The following EML4 variants were observed in gnomAD, a reference collection of about 807,000 sequenced individuals.
The protein encoded by EML4 is EMAP like 4.
A neutral mutation model predicts 129.0 loss-of-function variants in EML4; 72 were observed. The ratio of observed to expected loss-of-function variants is 0.56; its 90% CI spans 0.46 to 0.68. The LOEUF is 0.68. Ranked by LOEUF, EML4 falls within the 30% of genes least tolerant of loss-of-function variation. The pLI is 0.00. For missense variants in EML4, 1,363 were observed against 1,190.6 expected (o/e 1.14, Z -2.13); for synonymous variants, 532 against 405.0 (o/e 1.31, Z -3.77).
At chr2:42,320,281 G>C (rs1669452915) in intron 19 of EML4, among the ~76,000 whole-genome samples, 1 of 151,542 alleles carries the variant, frequency 6.6e-6, no homozygotes, top group South Asian at 2.1e-4. Context: ...TGGAGTCCAG[G>C]AGTTTGACAC....
In EML4 at chr2:42,283,801, TGGGG is replaced by T. The variant is rs1667143985; in HGVS notation, c.941+830_942-829del. On this transcript the variant is annotated intron_variant, in intron 8 of 22. Transcript: ENST00000318522. ...AGAAACAGCCTAAGTATTTTTCAGT[TGGGG>T]ACTACTGGTGAGGTTGTAGTGTACC... 2.0e-5 allele frequency among the ~76,000 whole-genome samples: 3 copies of T among 152,218 alleles called. 1 individual carries two copies. The highest frequency in any genetic ancestry group is 2.0e-4 in the Admixed American group (3 of 15,276).
intron 19 of EML4, among the ~76,000 whole-genome samples, chr2:42,321,239 C>T (rs576473031): frequency 2.0e-5 from 3 of 151,946 alleles, no homozygotes; most frequent in Non-Finnish European, 2.9e-5. Context: ...AAAAATTAGC[C>T]GGGCGTGGTG....
chr2:42,285,550 G>A (rs777557120), intron 9 of EML4, among the ~76,000 whole-genome samples: 18 of 151,822 alleles, frequency 1.2e-4, no homozygotes, highest in African/African-American at 3.4e-4. Flanking sequence ...AAAAGTATCC[G>A]GAGCAGATTT....
chr2:42,209,746 A>G (rs1047088596), intron 1 of EML4, among the ~76,000 whole-genome samples: 4 of 152,172 alleles, frequency 2.6e-5, no homozygotes, highest in African/African-American at 9.7e-5. Context: ...CCTGACCAAC[A>G]CGGAGAAACC....
At chr2:42,313,713 A>AG (rs1669085105) in intron 17 of EML4, among the ~76,000 whole-genome samples, 1 of 152,088 alleles carries the variant, frequency 6.6e-6, no homozygotes, top group Non-Finnish European at 1.5e-5. Flanking sequence ...GGATCACCTG[A>AG]GGTCAGGAGT....
chr2:42,259,120 G>A lies in EML4; in HGVS notation c.339-2001G>A, dbSNP rs1399507884. ...AAATTAGCTGGGTGTGGTGGCGGGC[G>A]CCTGTAATCTCAGCTGCTGGGGAAG... On this transcript the variant is annotated intron_variant, in intron 3 of 22. Coordinates refer to ENST00000318522, the MANE Select transcript of EML4 (RefSeq NM_019063.5). 5.3e-5 allele frequency among the ~76,000 whole-genome samples: 8 copies of A among 152,052 alleles called. 1 individual carries two copies. The highest frequency in any genetic ancestry group is 3.9e-4 in the Admixed American group (6 of 15,286).
chr2:42,319,773 A>AT (rs1237514428), intron 19 of EML4: 5 of 152,234 alleles, frequency 3.3e-5, no homozygotes, highest in Non-Finnish European at 7.3e-5. Context: ...TTTTTAAAAC[A>AT]TAACAACTAG....
At chr2:42,222,424 G>C (rs1248377105) in intron 1 of EML4, among the ~76,000 whole-genome samples, 1 of 152,060 alleles carries the variant, frequency 6.6e-6, no homozygotes, top group Admixed American at 6.5e-5. Flanking sequence ...AAAGTTATAT[G>C]AATTCTAATT....
chr2:42,258,228 A>G (rs1023743045), intron 3 of EML4, among the ~76,000 whole-genome samples: 1 of 152,134 alleles, frequency 6.6e-6, no homozygotes, highest in Non-Finnish European at 1.5e-5. Flanking sequence ...CCCACATAAA[A>G]CTAGTGACCT....
intron 1 of EML4, among the ~76,000 whole-genome samples, chr2:42,201,790 T>C (rs1672246517): frequency 6.6e-6 from 1 of 151,766 alleles, no homozygotes; most frequent in Non-Finnish European, 1.5e-5. Flanking sequence ...AAAGTCAAAC[T>C]CAGAAAATAG....
chr2:42,191,641 ATTGT>A (rs1572852801), intron 1 of EML4, among the ~76,000 whole-genome samples: 2 of 152,204 alleles, frequency 1.3e-5, no homozygotes, highest in African/African-American at 4.8e-5. Context: ...GTCTGTTGAC[ATTGT>A]TTAATATTGA....
At chr2:42,233,298 C>T (rs959976449) in intron 1 of EML4, among the ~76,000 whole-genome samples, 3 of 150,358 alleles carry the variant, frequency 2.0e-5, no homozygotes, top group Admixed American at 1.3e-4. Context: ...TTTGTTATTA[C>T]AGGTTTCTTT....
At chr2:42,204,143 CTCCTGGGCTCAAGT>C (rs1056437428) in intron 1 of EML4, among the ~76,000 whole-genome samples, 12 of 152,194 alleles carry the variant, frequency 7.9e-5, no homozygotes, top group Admixed American at 2.0e-4. Context: ...TGGTCTCAAA[CTCCTGGGCTCAAGT>C]GATCCTCCTG....
intron 3 of EML4, among the ~76,000 whole-genome samples, chr2:42,258,897 A>T (rs1040668294): frequency 2.0e-5 from 3 of 152,220 alleles, no homozygotes; most frequent in African/African-American, 7.2e-5. Flanking sequence ...AATGTTCTTG[A>T]ACAAGCTTAC....
intron 1 of EML4, among the ~76,000 whole-genome samples, chr2:42,198,923 G>C (rs1447650212): frequency 6.6e-6 from 1 of 152,174 alleles, no homozygotes; most frequent in African/African-American, 2.4e-5. Flanking sequence ...GGTATTGGTG[G>C]AGGCAGGACT....
At chr2:42,271,155 G>C (rs1333560101) in intron 6 of EML4, among the ~76,000 whole-genome samples, 1 of 152,182 alleles carries the variant, frequency 6.6e-6, no homozygotes, top group Non-Finnish European at 1.5e-5. Context: ...CAGCCTTCCA[G>C]AATGCTGGGA....
chr2:42,306,317 A>G (rs978117296), intron 17 of EML4, among the ~76,000 whole-genome samples: 18 of 152,120 alleles, frequency 1.2e-4, no homozygotes, highest in African/African-American at 4.3e-4. Context: ...AGCACACAGG[A>G]AACCATCTGA....
chr2:42,287,519 T>G (rs1020403781), intron 10 of EML4, among the ~76,000 whole-genome samples: 1 of 152,166 alleles, frequency 6.6e-6, no homozygotes, highest in Non-Finnish European at 1.5e-5. Context: ...CCTCAGTGCC[T>G]CTCACTCTTC....
intron 21 of EML4, among the ~76,000 whole-genome samples, chr2:42,328,552 T>TTTAAAAAGGAAGAGC (rs1196420101): frequency 6.6e-6 from 1 of 152,192 alleles, no homozygotes; most frequent in Non-Finnish European, 1.5e-5. Flanking sequence ...ATCCAGAAAC[T>TTTAAAAAGGAAGAGC]TTAAAAAGGA....
Sources: gnomAD v4.1 joint callset for allele counts (sites outside exome capture counted in the v4.1 genomes callset) on GRCh38, gnomAD v4.1.1 for gene constraint, MANE v1.5 for transcripts, NCBI Gene and HGNC (gene_info 2026-07-23, HGNC 2026-07-21) for gene names.